NRDE2: variants seen among roughly 807,000 people sequenced by gnomAD.
NRDE2 encodes the protein NRDE-2, necessary for RNA interference, domain containing.
A neutral mutation model predicts 124.2 loss-of-function variants in NRDE2; 76 were observed. That is an observed-to-expected ratio of 0.61 (90% confidence interval 0.51 to 0.74). NRDE2 has a LOEUF of 0.74. Among genes scored for constraint, NRDE2 ranks in the 30% least tolerant of loss-of-function variants. NRDE2 has a pLI of 0.00. For synonymous variants in NRDE2, 489 were observed against 528.1 expected, an observed-to-expected ratio of 0.93 and a Z score of 1.01; for missense variants, 1,314 against 1,417.3, an observed-to-expected ratio of 0.93 and a Z score of 1.17.
intron 1 of NRDE2, among the ~76,000 whole-genome samples, chr14:90,330,015 T>C (rs560328968): frequency 6.6e-6 from 1 of 151,656 alleles, no homozygotes; most frequent in South Asian, 2.1e-4. Flanking sequence ...GAGACCAGCC[T>C]GGCCAAAACA....
intron 1 of NRDE2, 143 bp downstream of exon 1, chr14:90,331,698 C>T: frequency 1.1e-6 from 1 of 922,272 alleles, no homozygotes; most frequent in Non-Finnish European, 1.7e-6. Flanking sequence ...GGGATTGAGC[C>T]TTTCCCAGAA....
Position 90,298,319 on chromosome 14 carries a change from C to T in NRDE2, c.1607G>A (p.Arg536Gln), listed in dbSNP as rs1376841956. 9.3e-6 allele frequency: 15 copies of T among 1,613,608 alleles called. No homozygotes were observed. The highest frequency in any genetic ancestry group is 3.3e-5 in the Admixed American group (2 of 60,010). The change falls in exon 8 of 14, where the codon CGA (arginine) becomes CAA (glutamine). Residue 536 changes from arginine to glutamine, a missense_variant. By Grantham distance (43) the Arg-to-Gln change is conservative. Coordinates refer to ENST00000354366, the MANE Select transcript of NRDE2 (RefSeq NM_017970.4). ...GEPRAGEKGA[R>Q]GWKAWMHQQE... ...CTGGTGCATCCACGCCTTCCAGCCTCGGGCTCCCTTCTCCCCAGCCCGGGG... is the reference window on the plus strand; with the variant it reads ...CTGGTGCATCCACGCCTTCCAGCCTTGGGCTCCCTTCTCCCCAGCCCGGGG...
intron 4 of NRDE2, among the ~76,000 whole-genome samples, chr14:90,305,105 G>T (rs1884550899): frequency 6.6e-6 from 1 of 150,770 alleles, no homozygotes; most frequent in African/African-American, 2.4e-5. Context: ...ACGGGCAAAA[G>T]ATCTGAACTG....
At chr14:90,317,202 T>C (rs1157214848) in intron 2 of NRDE2, among the ~76,000 whole-genome samples, 5 of 152,132 alleles carry the variant, frequency 3.3e-5, no homozygotes, top group Admixed American at 6.6e-5. Context: ...CTGAAGGTGC[T>C]TGGGAGTTTG....
intron 12 of NRDE2, 110 bp downstream of exon 12, chr14:90,286,244 C>T (rs1892097745): frequency 8.1e-7 from 1 of 1,240,298 alleles, no homozygotes; most frequent in Non-Finnish European, 1.1e-6. Context: ...GAAATATGGC[C>T]TCCCAGCTCT....
intron 4 of NRDE2, among the ~76,000 whole-genome samples, chr14:90,306,115 A>G (rs1884590508): frequency 6.6e-6 from 1 of 152,226 alleles, no homozygotes; most frequent in South Asian, 2.1e-4. Flanking sequence ...ACGAGCATTC[A>G]CTGTAAAAAT....
At chr14:90,290,730 G>A in intron 9 of NRDE2, 123 bp from the exon 10 acceptor site, 1 of 1,196,202 alleles carries the variant, frequency 8.4e-7, no homozygotes, top group Non-Finnish European at 1.1e-6. Context: ...ATTTTAAACA[G>A]ACAGGAGCTA....
At chr14:90,283,680 T>G (rs761752887) in intron 12 of NRDE2, among the ~76,000 whole-genome samples, 1 of 151,746 alleles carries the variant, frequency 6.6e-6, no homozygotes, top group Non-Finnish European at 1.5e-5. Flanking sequence ...GAATAAATGT[T>G]AAGAGAAATG....
At chr14:90,331,717 A>G (rs1885708579) in intron 1 of NRDE2, 124 bp downstream of exon 1, 4 of 1,095,062 alleles carry the variant, frequency 3.7e-6, no homozygotes, top group African/African-American at 1.6e-5. Context: ...AAGGCTTTGC[A>G]GCGCCGCGGA....
intron 12 of NRDE2, chr14:90,279,631 C>T (rs72699171): frequency 0.08 from 12,223 of 152,812 alleles, 710 homozygotes; most frequent in South Asian, 0.18. Context: ...ACAAAAGGTG[C>T]AAGTTCCATC....
At chr14:90,292,377 C>T (rs1892294116) in intron 9 of NRDE2, among the ~76,000 whole-genome samples, 1 of 152,182 alleles carries the variant, frequency 6.6e-6, no homozygotes, top group South Asian at 2.1e-4. Flanking sequence ...CAGGGCTCCA[C>T]ATGAAAAATT....
rs1164146087 is a variant in NRDE2 at position 90,276,037 on chromosome 14, CCT to C, written c.*2297_*2298del. Reference sequence around the variant, plus strand: ...GTCCCAAACCCGAGGTGGGCCGACCCCTGTGGTCTGATGTGATCAGTGACTCC... The same window carrying C: ...GTCCCAAACCCGAGGTGGGCCGACCCGTGGTCTGATGTGATCAGTGACTCC... On this transcript the variant is annotated 3_prime_UTR_variant, in exon 14 of 14. Transcript: ENST00000354366. 3 of 152,154 alleles carry C rather than the reference CCT, an allele frequency of 2.0e-5. No individual in the cohort carries two copies. Among genetic ancestry groups the C allele is most frequent in the African/African-American group, 4.8e-5 (2 of 41,410 alleles). 9.4% of individuals were successfully genotyped at this position (152,154 alleles called of 1,614,324 possible).
chr14:90,300,578 C>A (rs1045135966), intron 7 of NRDE2, among the ~76,000 whole-genome samples: 1 of 151,580 alleles, frequency 6.6e-6, no homozygotes, highest in Non-Finnish European at 1.5e-5. Flanking sequence ...TTTATTTCTT[C>A]ACTTATCTTC....
chr14:90,301,204 AG>A (rs1566691266), intron 7 of NRDE2, 34 bp downstream of exon 7: 2 of 1,606,418 alleles, frequency 1.2e-6, no homozygotes, highest in Non-Finnish European at 8.5e-7. Context: ...AGAAAGAGCC[AG>A]GAAGAGAGAG....
At chr14:90,304,975 G>A (rs1884545570) in intron 4 of NRDE2, among the ~76,000 whole-genome samples, 1 of 152,140 alleles carries the variant, frequency 6.6e-6, no homozygotes, top group South Asian at 2.1e-4. Flanking sequence ...CGCTTTTATG[G>A]AACATGTAGG....
intron 8 of NRDE2, among the ~76,000 whole-genome samples, chr14:90,297,725 G>C (rs941552964): frequency 2.0e-5 from 3 of 152,092 alleles, no homozygotes; most frequent in African/African-American, 7.2e-5. Context: ...CTGGAGGTCA[G>C]GTGTTTGAGA....
At chr14:90,285,319 T>TG (rs1892072651) in intron 12 of NRDE2, among the ~76,000 whole-genome samples, 1 of 147,360 alleles carries the variant, frequency 6.8e-6, no homozygotes, top group Non-Finnish European at 1.5e-5. Context: ...TTCTTTTTTT[T>TG]GAGACGGAGT....
At chr14:90,292,533 A>G (rs919876965) in intron 9 of NRDE2, among the ~76,000 whole-genome samples, 164 bp downstream of exon 9, 1 of 152,212 alleles carries the variant, frequency 6.6e-6, no homozygotes, top group African/African-American at 2.4e-5. Flanking sequence ...TCCAGCAGGA[A>G]GGAAGTTTCC....
chr14:90,304,584 A>G, intron 4 of NRDE2: 1 of 535,006 alleles, frequency 1.9e-6, no homozygotes, highest in Non-Finnish European at 3.3e-6. Flanking sequence ...TTCTTCCTAT[A>G]ACACTTCAAC....
Sources: allele counts gnomAD v4.1 joint callset (sites outside exome capture counted in the v4.1 genomes callset), GRCh38; gene constraint gnomAD v4.1.1; transcripts MANE v1.5; gene names NCBI Gene and HGNC (gene_info 2026-07-23, HGNC 2026-07-21).